The following TIPIN variants were observed in gnomAD, a reference collection of about 807,000 sequenced individuals.
TIPIN encodes the protein TIMELESS interacting protein, also known as TIMELESS-interacting protein.
A neutral mutation model predicts 35.6 loss-of-function variants in TIPIN; 29 were observed. The observed-to-expected ratio is 0.82, with a 90% CI of 0.61 to 1.11. TIPIN has a LOEUF of 1.11. TIPIN is among the 50% of genes most tolerant of loss of function. The pLI, the probability that TIPIN is intolerant of heterozygous loss-of-function variation, is 0.00. For synonymous variants in TIPIN, 102 were observed against 121.5 expected (o/e 0.84, Z 1.06); for missense variants, 296 against 345.4 (o/e 0.86, Z 1.13).
rs184418148 is a variant in TIPIN, at chr15:66,382,793, A to T, written c.-9+3814T>A. On this transcript the variant is annotated intron_variant, in intron 1 of 7. Coordinates refer to the TIPIN transcript ENST00000562124. ...TTTGACCTACAAATAGAGCAACCTG[A>T]TATGGTTCAACCAAATATATATGTT... The T allele has an allele frequency of 6.9e-4, 229 of 330,882 alleles. 2 individuals carry two copies. The highest frequency in any genetic ancestry group is 4.9e-3 in the African/African-American group (219 of 44,692). 20.5% of individuals were successfully genotyped at this position (330,882 alleles called of 1,614,324 possible).
chr15:66,374,965 C>T (rs1468155456), intron 1 of TIPIN, among the ~76,000 whole-genome samples: 1 of 152,188 alleles, frequency 6.6e-6, no homozygotes, highest in Non-Finnish European at 1.5e-5. Flanking sequence ...CCTTCTGGGC[C>T]TCCACCAAGT....
chr15:66,377,728 T>C (rs1482803624), intron 1 of TIPIN, among the ~76,000 whole-genome samples: 2 of 137,232 alleles, frequency 1.5e-5, no homozygotes, highest in African/African-American at 2.8e-5. Context: ...GAGTGCTGGA[T>C]TGCAGTGGCG....
chr15:66,363,457 C>T (rs1263469533), intron 1 of TIPIN, among the ~76,000 whole-genome samples: 2 of 151,564 alleles, frequency 1.3e-5, no homozygotes, highest in African/African-American at 2.4e-5. Context: ...TCCTGGCTAA[C>T]ATGGTGAAAC....
At chr15:66,357,754 G>T (rs942814083), upstream of TIPIN, among the ~76,000 whole-genome samples, 6 of 152,034 alleles carry the variant, frequency 3.9e-5, no homozygotes, top group Admixed American at 3.9e-4. Flanking sequence ...TCAGGAATTC[G>T]AGACCAGCCT....
upstream of TIPIN, among the ~76,000 whole-genome samples, chr15:66,361,006 C>T (rs1292350733): frequency 1.3e-5 from 2 of 151,876 alleles, no homozygotes; most frequent in Non-Finnish European, 2.9e-5. Flanking sequence ...GTGGCACACA[C>T]CTGTAATCCT....
At chr15:66,357,378 G>T (rs967045636), upstream of TIPIN, among the ~76,000 whole-genome samples, 1 of 152,046 alleles carries the variant, frequency 6.6e-6, no homozygotes, top group Non-Finnish European at 1.5e-5. Flanking sequence ...ATTGTTTATT[G>T]AATAATAAGC....
At chr15:66,379,406 C>T (rs1221851001) in intron 1 of TIPIN, 3 of 1,601,850 alleles carry the variant, frequency 1.9e-6, no homozygotes, top group Non-Finnish European at 2.5e-6. Flanking sequence ...TCCTGATATC[C>T]TTGTTTTAAA....
At chr15:66,349,211 A>T in intron 5 of TIPIN, 88 bp from the exon 6 acceptor site, 1 of 1,598,140 alleles carries the variant, frequency 6.3e-7, no homozygotes. Context: ...CCTCTCTACC[A>T]AAAGAGATTT....
intron 4 of TIPIN, among the ~76,000 whole-genome samples, chr15:66,351,087 A>C (rs2093164718): frequency 1.8e-3 from 1 of 544 alleles, no homozygotes; most frequent in Admixed American, 0.013. Flanking sequence ...TGCATTTGTA[A>C]AGTGATTCAG....
chr15:66,341,581 ACACG>A (rs1370964142), intron 6 of TIPIN, among the ~76,000 whole-genome samples: 4 of 4,854 alleles, frequency 8.2e-4, no homozygotes, highest in Non-Finnish European at 0.024. Context: ...ATCCCGGCTA[ACACG>A]GTGAAACCCC....
chr15:66,362,646 G>A (rs1435724135), intron 1 of TIPIN, among the ~76,000 whole-genome samples: 4 of 152,080 alleles, frequency 2.6e-5, no homozygotes, highest in South Asian at 4.1e-4. Context: ...GCATTAACAC[G>A]GGAGGCAGAC....
chr15:66,337,328 C>CT (rs375392324), intron 7 of TIPIN, 147 bp from the exon 8 acceptor site: 23,108 of 401,690 alleles, frequency 0.058, 47 homozygotes, highest in Middle Eastern at 0.081. Flanking sequence ...CTAAATATAT[C>CT]TTTTTTTTTT....
intron 1 of TIPIN, among the ~76,000 whole-genome samples, chr15:66,384,292 C>T (rs988552470): frequency 6.4e-5 from 9 of 139,994 alleles, no homozygotes; most frequent in South Asian, 2.3e-4. Flanking sequence ...CCACCGCGCC[C>T]GGCCTATTTT....
At chr15:66,338,881 C>T (rs1408790151) in intron 7 of TIPIN, among the ~76,000 whole-genome samples, 1 of 148,214 alleles carries the variant, frequency 6.7e-6, no homozygotes, top group Non-Finnish European at 1.5e-5. Flanking sequence ...ACCTGTAATC[C>T]CAGGACTTTG....
intron 1 of TIPIN, among the ~76,000 whole-genome samples, chr15:66,385,947 G>T (rs1035788389): frequency 1.3e-5 from 2 of 151,482 alleles, no homozygotes; most frequent in Non-Finnish European, 2.9e-5. Context: ...ACCATGCCCA[G>T]CTAATAGAGA....
intron 1 of TIPIN, among the ~76,000 whole-genome samples, chr15:66,363,998 A>G (rs1035343869): frequency 4.0e-5 from 6 of 151,698 alleles, no homozygotes; most frequent in African/African-American, 1.5e-4. Context: ...AAAACAAAAA[A>G]CAAAAACAAA....
intron 1 of TIPIN, among the ~76,000 whole-genome samples, chr15:66,381,998 G>A (rs1168170974): frequency 6.6e-6 from 1 of 152,164 alleles, no homozygotes; most frequent in Non-Finnish European, 1.5e-5. Flanking sequence ...CTGGAAGGCA[G>A]AGGTGGCAGT....
At chr15:66,376,616 GATGAGGTTTCATC>G (rs2093297883) in intron 1 of TIPIN, among the ~76,000 whole-genome samples, 1 of 151,348 alleles carries the variant, frequency 6.6e-6, no homozygotes, top group Non-Finnish European at 1.5e-5. Context: ...TTTTAGTAGA[GATGAGGTTTCATC>G]ATGTTGGCCA....
intron 1 of TIPIN, among the ~76,000 whole-genome samples, chr15:66,353,902 T>C (rs988938726): frequency 2.0e-5 from 3 of 151,612 alleles, no homozygotes; most frequent in African/African-American, 7.3e-5. Flanking sequence ...AGACGGACCA[T>C]GAGGTCAGGA....
Sources: gnomAD v4.1 joint callset for allele counts (sites outside exome capture counted in the v4.1 genomes callset) on GRCh38, gnomAD v4.1.1 for gene constraint, MANE v1.5 for transcripts, NCBI Gene and HGNC (gene_info 2026-07-23, HGNC 2026-07-21) for gene names.